SMAD4: variants seen among roughly 807,000 people sequenced by gnomAD.
SMAD4 encodes the protein SMAD family member 4, also known as MAD homolog 4.
Under a neutral mutation model 63.2 loss-of-function variants are expected in SMAD4, and 7 were observed. That is an observed-to-expected ratio of 0.11 (90% CI 0.06 to 0.21). The LOEUF is 0.21. Ranked by LOEUF, SMAD4 falls within the 10% of genes least tolerant of loss-of-function variation. The probability of loss-of-function intolerance (pLI) is 1.00; values close to 1 mark genes in which losing one functional copy is unlikely to be tolerated. For synonymous variants in SMAD4, 215 were observed against 235.4 expected, an observed-to-expected ratio of 0.91 and a Z score of 0.79; for missense variants, 312 against 693.8, an observed-to-expected ratio of 0.45 and a Z score of 6.18.
At chr18:51,032,531 A>G (rs1338341139) in intron 1 of SMAD4, among the ~76,000 whole-genome samples, 2 of 152,216 alleles carry the variant, frequency 1.3e-5, no homozygotes, top group East Asian at 1.9e-4. Flanking sequence ...CCTCTGCTTC[A>G]CTTTCTTAAG....
chr18:51,031,342 A>G (rs1909045255), intron 1 of SMAD4, among the ~76,000 whole-genome samples: 5 of 152,338 alleles, frequency 3.3e-5, no homozygotes, highest in African/African-American at 1.2e-4. Flanking sequence ...CAAAGACACA[A>G]GTGTGTTTAG....
At chr18:51,058,586 C>A in intron 7 of SMAD4, 130 bp downstream of exon 7, 1 of 700,434 alleles carries the variant, frequency 1.4e-6, no homozygotes, top group South Asian at 1.6e-5. Context: ...TAGTGCTTTT[C>A]AGTATTTTTT....
At chr18:51,033,595 A>C (rs1425999840) in intron 1 of SMAD4, among the ~76,000 whole-genome samples, 1 of 152,268 alleles carries the variant, frequency 6.6e-6, no homozygotes, top group African/African-American at 2.4e-5. Context: ...CAAACAGTTC[A>C]CAAATATATC....
In SMAD4 at chr18:51,063,073, C is replaced by T. The variant is rs367832416; in HGVS notation, c.956-2350C>T. ...TTCACTATGTTGGTCAGGCTGGTCT[C>T]GAACTCCTGACCTCTTGATCTGCCC... On this transcript the variant is annotated intron_variant, in intron 8 of 11. Coordinates refer to ENST00000342988, the MANE Select transcript of SMAD4 (RefSeq NM_005359.6). Among the ~76,000 whole-genome samples, 43 of 151,350 alleles carry T rather than the reference C, an allele frequency of 2.8e-4. No homozygotes were observed. The East Asian group carries it at 6.1e-3, about 22-fold the overall frequency.
At chr18:51,071,119 C>T (rs781279378) in intron 10 of SMAD4, among the ~76,000 whole-genome samples, 84 of 152,130 alleles carry the variant, frequency 5.5e-4, no homozygotes, top group Middle Eastern at 3.4e-3. Flanking sequence ...TTTCTTCATT[C>T]GTTTTTTTGG....
intron 1 of SMAD4, among the ~76,000 whole-genome samples, chr18:51,041,173 A>G (rs1052570213): frequency 6.6e-6 from 1 of 152,018 alleles, no homozygotes; most frequent in Non-Finnish European, 1.5e-5. Context: ...CCAGGCTCTC[A>G]CTGAAGTTTT....
At chr18:51,062,919 G>A (rs1291568214) in intron 8 of SMAD4, among the ~76,000 whole-genome samples, 1 of 136,252 alleles carries the variant, frequency 7.3e-6, no homozygotes, top group African/African-American at 2.8e-5. Flanking sequence ...GTGCAGTGGC[G>A]CGACTTGGCT....
At chr18:51,050,645 C>T (rs1909681984) in intron 4 of SMAD4, among the ~76,000 whole-genome samples, 2 of 145,474 alleles carry the variant, frequency 1.4e-5, no homozygotes, top group Non-Finnish European at 1.5e-5. Flanking sequence ...GTTGACAAAG[C>T]GAGACTCTGT....
At chr18:51,068,979 A>G (rs1181613406) in intron 10 of SMAD4, among the ~76,000 whole-genome samples, 1 of 152,280 alleles carries the variant, frequency 6.6e-6, no homozygotes, top group Admixed American at 6.5e-5. Context: ...GTTAAATGAT[A>G]TCATGATATT....
At chr18:51,077,674 C>T (rs1265370857) in intron 11 of SMAD4, among the ~76,000 whole-genome samples, 1 of 152,072 alleles carries the variant, frequency 6.6e-6, no homozygotes, top group Non-Finnish European at 1.5e-5. Context: ...CATTAATTTG[C>T]TGGTTTCAGT....
Position 51,081,972 on chromosome 18 carries a change from A to C in SMAD4, c.*3505A>C, listed in dbSNP as rs1179875615. On this transcript the variant is annotated 3_prime_UTR_variant, in exon 12 of 12. Transcript: ENST00000342988. ...TTTATGCAGAGTCACATTAGTTCAC[A>C]CCCTTTCTGAGAGCCTTTTGGGAGA... 8.6e-6 allele frequency: 2 copies of C among 231,946 alleles called. No individual in the cohort carries two copies. Among genetic ancestry groups the C allele is most frequent in the Admixed American group, 1.1e-4 (2 of 17,766 alleles). The allele number at this position is 231,946 out of a possible 1,614,324, so 14.4% of individuals were successfully genotyped here.
chr18:51,042,531 C>T (rs1909418018), intron 1 of SMAD4, among the ~76,000 whole-genome samples: 1 of 151,828 alleles, frequency 6.6e-6, no homozygotes, highest in Admixed American at 6.6e-5. Context: ...GCCACCATGC[C>T]CCACTAATTT....
At chr18:51,043,549 A>G (rs1395902607) in intron 1 of SMAD4, among the ~76,000 whole-genome samples, 3 of 152,212 alleles carry the variant, frequency 2.0e-5, no homozygotes, top group Admixed American at 6.5e-5. Context: ...TATTCCTGCT[A>G]GTATTATTTT....
At chr18:51,042,932 G>A (rs998264915) in intron 1 of SMAD4, among the ~76,000 whole-genome samples, 2 of 152,148 alleles carry the variant, frequency 1.3e-5, no homozygotes, top group African/African-American at 4.8e-5. Flanking sequence ...AGTATAACAC[G>A]TTTGTCTTGG....
At position 51,054,988 on chromosome 18, in the gene SMAD4, C is replaced by T. The variant is rs2144419686; in HGVS notation, c.662C>T (p.Ser221Phe). ...TANFPNIPVA[S>F]TSQPASILGG... The stretch of plus-strand genomic sequence containing the variant: ...AACTTTCCCAACATTCCTGTGGCTT[C>T]CACAAGTGAGTTCTAGAATCAGATG... The change falls in exon 5 of 12, where the codon TCC (serine) becomes TTC (phenylalanine). Residue 221 changes from serine to phenylalanine, a missense_variant. Coordinates refer to ENST00000342988, the MANE Select transcript of SMAD4 (RefSeq NM_005359.6). 1 of 1,612,228 alleles carries T rather than the reference C, an allele frequency of 6.2e-7. No homozygotes were observed. The highest frequency in any genetic ancestry group is 8.5e-7 in the Non-Finnish European group (1 of 1,178,262).
chr18:51,082,238 C>G lies in SMAD4; in HGVS notation c.*3771C>G, dbSNP rs929033128. ...AATGCATTTTTTTTTCCCGTAAAGG[C>G]AGAATCCATCTTGTTGCAGATAGCT... is the stretch of plus-strand genomic sequence containing the variant. On this transcript the variant is annotated 3_prime_UTR_variant, in exon 12 of 12. Coordinates refer to ENST00000342988, the MANE Select transcript of SMAD4 (RefSeq NM_005359.6). 27 of 229,638 alleles carry G rather than the reference C, an allele frequency of 1.2e-4. 1 individual carries two copies. Among genetic ancestry groups the G allele is most frequent in the Non-Finnish European group, 3.4e-5 (4 of 115,976 alleles). The allele number at this position is 229,638 out of a possible 1,614,324, so 14.2% of individuals were successfully genotyped here. A position where few individuals can be genotyped will look rare whatever the true frequency, so the allele number is the denominator to read the frequency against.
intron 1 of SMAD4, among the ~76,000 whole-genome samples, chr18:51,042,395 T>C (rs1052126620): frequency 1.4e-5 from 2 of 142,814 alleles, no homozygotes; most frequent in African/African-American, 5.1e-5. Context: ...CTCCCTCCCT[T>C]ACTTCAGGCT....
At chr18:51,034,268 C>T (rs1281305270) in intron 1 of SMAD4, among the ~76,000 whole-genome samples, 5 of 138,946 alleles carry the variant, frequency 3.6e-5, no homozygotes, top group African/African-American at 7.8e-5. Flanking sequence ...TTTTCTGAGA[C>T]GGAGTTTCGC....
At chr18:51,070,938 A>C (rs1910299603) in intron 10 of SMAD4, among the ~76,000 whole-genome samples, 1 of 152,090 alleles carries the variant, frequency 6.6e-6, no homozygotes, top group Non-Finnish European at 1.5e-5. Context: ...TTAATCTCTT[A>C]CTATGCCTAA....
Sources: allele counts gnomAD v4.1 joint callset (sites outside exome capture counted in the v4.1 genomes callset), GRCh38; gene constraint gnomAD v4.1.1; transcripts MANE v1.5; gene names NCBI Gene and HGNC (gene_info 2026-07-23, HGNC 2026-07-21).